Variants in PARD3B observed in about 807,000 individuals in gnomAD.
PARD3B encodes partitioning defective 3 homolog B.
A neutral mutation model predicts 130.2 loss-of-function variants in PARD3B; 103 were observed. That is an observed-to-expected ratio of 0.79 (90% CI 0.67 to 0.93). The LOEUF (loss-of-function observed/expected upper bound fraction) is 0.93. Among genes scored for constraint, PARD3B ranks in the 40% least tolerant of loss-of-function variants. PARD3B has a pLI of 0.00. For missense variants in PARD3B, 1,609 were observed against 1,499.2 expected (o/e 1.07, Z -1.21); for synonymous variants, 583 against 553.2 (o/e 1.05, Z -0.76).
chr2:205,502,468 A>C (rs1164838423), intron 21 of PARD3B, among the ~76,000 whole-genome samples: 1 of 152,168 alleles, frequency 6.6e-6, no homozygotes, highest in African/African-American at 2.4e-5. Context: ...TAGGACATTG[A>C]CTTCAATCCC....
At chr2:204,756,119 CTA>C (rs1323807598) in intron 2 of PARD3B, among the ~76,000 whole-genome samples, 2 of 152,032 alleles carry the variant, frequency 1.3e-5, no homozygotes, top group Admixed American at 1.3e-4. Context: ...CATTGAGTTT[CTA>C]TGTTAGTGTT....
At chr2:205,173,197 AT>A (rs1237290904) in intron 12 of PARD3B, among the ~76,000 whole-genome samples, 1 of 152,190 alleles carries the variant, frequency 6.6e-6, no homozygotes, top group Non-Finnish European at 1.5e-5. Flanking sequence ...AATATACAAA[AT>A]TTAAAAAACT....
intron 2 of PARD3B, among the ~76,000 whole-genome samples, chr2:204,861,218 C>CTCTCTCTCTCTCTCT (rs2045186178): frequency 8.4e-6 from 1 of 119,430 alleles, no homozygotes. Context: ...CTCTCTCGTA[C>CTCTCTCTCTCTCTCT]CTCTTATTTG....
At position 204,689,344 on chromosome 2, in the gene PARD3B, T is replaced by C. The variant is rs2037249985; in HGVS notation, c.222+3062T>C. Among the ~76,000 whole-genome samples the C allele has an allele frequency of 6.6e-6, 1 of 152,188 alleles. No homozygotes were observed. The highest frequency in any genetic ancestry group is 2.4e-5 in the African/African-American group (1 of 41,458). Reference sequence around the variant, plus strand: ...CACGGGGACCAAGTCTCCACTGTGTTACACTACTTCTAGCCTATATGTGTC... The same window carrying C: ...CACGGGGACCAAGTCTCCACTGTGTCACACTACTTCTAGCCTATATGTGTC... On this transcript the variant is annotated intron_variant, in intron 2 of 22. Transcript: ENST00000406610. This position sits in a 1 kb window ranked among gnomAD's most constrained non-coding sequence, Gnocchi z 5.2.
chr2:205,273,131 A>G (rs1398364348), intron 16 of PARD3B, among the ~76,000 whole-genome samples: 2 of 152,232 alleles, frequency 1.3e-5, no homozygotes, highest in South Asian at 2.1e-4. Context: ...CTGAACAGCA[A>G]CTAACACATA....
chr2:205,399,354 T>C (rs1321677281), intron 18 of PARD3B, among the ~76,000 whole-genome samples: 1 of 152,044 alleles, frequency 6.6e-6, no homozygotes, highest in African/African-American at 2.4e-5. Context: ...TGTTTTGTTT[T>C]GTTTGTTTGT....
intron 22 of PARD3B, among the ~76,000 whole-genome samples, chr2:205,556,245 T>G (rs2052879760): frequency 1.3e-5 from 2 of 152,210 alleles, no homozygotes; most frequent in Admixed American, 1.3e-4. Flanking sequence ...TATGGAGAAC[T>G]TAATATGCTA....
intron 2 of PARD3B, among the ~76,000 whole-genome samples, chr2:204,698,762 G>A (rs947237672): frequency 6.6e-6 from 1 of 151,978 alleles, no homozygotes; most frequent in African/African-American, 2.4e-5. Flanking sequence ...GTCTTACAGA[G>A]TAACATAGAG....
intron 2 of PARD3B, among the ~76,000 whole-genome samples, chr2:204,841,087 G>T (rs1246399126): frequency 6.6e-6 from 1 of 152,044 alleles, no homozygotes; most frequent in Non-Finnish European, 1.5e-5. Context: ...GAGCACATTG[G>T]CAAGGACAAC....
At chr2:204,889,939 T>C (rs2046389768) in intron 2 of PARD3B, among the ~76,000 whole-genome samples, 1 of 152,242 alleles carries the variant, frequency 6.6e-6, no homozygotes, top group Non-Finnish European at 1.5e-5. Flanking sequence ...AGCATTCTAA[T>C]CAGTTACCCA....
intron 2 of PARD3B, among the ~76,000 whole-genome samples, chr2:204,850,719 G>A (rs2044672024): frequency 6.6e-6 from 1 of 152,110 alleles, no homozygotes; most frequent in South Asian, 2.1e-4. Context: ...AGCTGAGCAG[G>A]CACTGACCAA....
At chr2:205,417,732 A>G (rs1032780939) in intron 19 of PARD3B, among the ~76,000 whole-genome samples, 1 of 152,210 alleles carries the variant, frequency 6.6e-6, no homozygotes, top group Non-Finnish European at 1.5e-5. Flanking sequence ...CCTTCCTTGC[A>G]AGATCAATCC....
intron 2 of PARD3B, among the ~76,000 whole-genome samples, chr2:204,935,521 A>G (rs977000216): frequency 8.6e-4 from 130 of 151,978 alleles, no homozygotes; most frequent in African/African-American, 3.1e-3. Flanking sequence ...CCTGAGTGAC[A>G]GAGCAAGACT....
intron 1 of PARD3B, among the ~76,000 whole-genome samples, chr2:204,657,870 C>T (rs1017033754): frequency 4.6e-5 from 7 of 152,084 alleles, no homozygotes; most frequent in Non-Finnish European, 1.0e-4. Context: ...TTTCAAAATA[C>T]TCCTTAATTC....
At position 204,857,398 on chromosome 2, in the gene PARD3B, AAATTTGTTTTCTC is replaced by A. The variant is rs779383048; in HGVS notation, c.223-107752_223-107740del. On this transcript the variant is annotated intron_variant, in intron 2 of 22. Coordinates refer to ENST00000406610, the MANE Select transcript of PARD3B (RefSeq NM_001302769.2). ...TGTGGAAGAGAATGTAGGGGAAGGA[AAATTTGTTTTCTC>A]ACCCATTTCTAGGTTCATGACTGAG... 6.7e-4 allele frequency among the ~76,000 whole-genome samples: 102 copies of A among 152,286 alleles called. 1 individual carries two copies. Among genetic ancestry groups the A allele is most frequent in the South Asian group, 1.7e-3 (8 of 4,826 alleles).
In PARD3B at chr2:205,574,518, C is replaced by G. The variant is rs148336702; in HGVS notation, c.3260+21115C>G. On this transcript the variant is annotated intron_variant, in intron 22 of 22. Coordinates refer to ENST00000406610, the MANE Select transcript of PARD3B (RefSeq NM_001302769.2). ...ATACACCATAGTGACAATGGCTCCTCTAGAATAATTCCGGAAAGATCTATA... is the reference window on the plus strand; with the variant it reads ...ATACACCATAGTGACAATGGCTCCTGTAGAATAATTCCGGAAAGATCTATA... Among the ~76,000 whole-genome samples, 8 of 152,260 alleles carry G rather than the reference C, an allele frequency of 5.3e-5. No homozygotes were observed. The East Asian group carries it at 1.5e-3, about 29-fold the overall frequency.
intron 3 of PARD3B, among the ~76,000 whole-genome samples, chr2:205,022,820 G>T (rs1428350065): frequency 6.6e-6 from 1 of 152,070 alleles, no homozygotes; most frequent in African/African-American, 2.4e-5. Flanking sequence ...TCCACAGGTC[G>T]ACTAGGCTGA....
At chr2:204,970,475 A>G (rs1018352364) in intron 3 of PARD3B, among the ~76,000 whole-genome samples, 1 of 152,184 alleles carries the variant, frequency 6.6e-6, no homozygotes, top group African/African-American at 2.4e-5. Flanking sequence ...TTCCTCATCT[A>G]TAAAATAAGC....
chr2:205,608,491 C>T (rs1036194963), intron 22 of PARD3B, among the ~76,000 whole-genome samples: 3 of 152,176 alleles, frequency 2.0e-5, no homozygotes, highest in African/African-American at 7.2e-5. Context: ...AGGTATCGTT[C>T]AAATGGATTG....
Sources: gnomAD v4.1 joint callset for allele counts (sites outside exome capture counted in the v4.1 genomes callset) on GRCh38, gnomAD v4.1.1 for gene constraint, Gnocchi (gnomAD v3.1) non-coding constraint, MANE v1.5 for transcripts, NCBI Gene and HGNC (gene_info 2026-07-23, HGNC 2026-07-21) for gene names.